KRTAP5-5: variants seen among roughly 807,000 people sequenced by gnomAD.
KRTAP5-5 encodes keratin associated protein 5-5.
KRTAP5-5 carries 1 observed loss-of-function variant against 2.8 expected under a neutral mutation model. The ratio of observed to expected loss-of-function variants is 0.35; its 90% CI spans 0.13 to 1.67. KRTAP5-5 has a LOEUF of 1.67. Among genes scored for constraint, KRTAP5-5 ranks in the 40% most tolerant of loss-of-function variants. The pLI, the probability that KRTAP5-5 is intolerant of heterozygous loss-of-function variation, is 0.35. For missense variants in KRTAP5-5, 134 were observed against 270.9 expected (o/e 0.49, Z 3.55); for synonymous variants, 83 against 110.6 (o/e 0.75, Z 1.57).
exon 1 of KRTAP5-5, chr11:1,630,111 T>C (rs1341030384): frequency 4.3e-6 from 7 of 1,610,194 alleles, no homozygotes; most frequent in South Asian, 2.2e-5. Flanking sequence ...GGGCTGTGGC[T>C]CTTGCGGGGG....
exon 1 of KRTAP5-5, chr11:1,630,654 C>A: frequency 1.3e-6 from 2 of 1,495,008 alleles, no homozygotes; most frequent in Admixed American, 3.4e-5. Flanking sequence ...TCCACTGTGT[C>A]CTCACTGGCT....
At chr11:1,630,869 G>A (rs1001872812), downstream of KRTAP5-5, among the ~76,000 whole-genome samples, 1 of 152,080 alleles carries the variant, frequency 6.6e-6, no homozygotes, top group Non-Finnish European at 1.5e-5. Flanking sequence ...CAATCTCTCT[G>A]GCTGTCTGTA....
exon 1 of KRTAP5-5, chr11:1,629,981 C>T: frequency 7.2e-6 from 4 of 557,962 alleles, no homozygotes; most frequent in Non-Finnish European, 1.0e-5. Context: ...GCTGTGGGGG[C>T]TGTGGCTCCG....
chr11:1,630,839 T>G (rs1849752257), downstream of KRTAP5-5: 7 of 579,776 alleles, frequency 1.2e-5, no homozygotes, highest in Admixed American at 1.5e-4. Flanking sequence ...GCTCCTTCTT[T>G]CAGGAGTGTG....
chr11:1,630,548 G>A (rs1324154916), exon 1 of KRTAP5-5: 1 of 1,611,656 alleles, frequency 6.2e-7, no homozygotes, highest in Non-Finnish European at 8.5e-7. Flanking sequence ...GCCAGTGTAA[G>A]ATCTGAGGCT....
At position 1,629,933 on chromosome 11, in the gene KRTAP5-5, T is replaced by A. The variant is rs1849722191; in HGVS notation, c.93T>A (p.Cys31Ter). 6.7e-7 allele frequency: 1 copy of A among 1,495,866 alleles called. No homozygotes were observed. The highest frequency in any genetic ancestry group is 1.9e-5 in the Admixed American group (1 of 53,934). The allele number at this position is 1,495,866 out of a possible 1,614,324, so 92.7% of individuals were successfully genotyped here. ...GCTGTGGCTCCGGCTGTGGAGGCTG[T>A]GGCTCTGGCTGTGGGGGCTGTGGCT... The change falls in exon 1 of 1, where the codon TGT becomes TGA. Residue 31 changes from cysteine (C) to a stop codon, truncating the protein, a stop_gained. Coordinates refer to ENST00000399676, the Ensembl canonical transcript of KRTAP5-5. LOFTEE classifies it low-confidence loss of function (END_TRUNC).
At chr11:1,630,528 C>T (rs1453631089) in exon 1 of KRTAP5-5, 1 of 1,614,066 alleles carries the variant, frequency 6.2e-7, no homozygotes, top group South Asian at 1.1e-5. Context: ...CTGCTGTGTC[C>T]CCGTGTGCTG....
chr11:1,630,673 T>A, exon 1 of KRTAP5-5: 1 of 1,356,144 alleles, frequency 7.4e-7, no homozygotes, highest in Non-Finnish European at 1.0e-6. Context: ...CTTCATCCAC[T>A]CCACACCAGT....
At chr11:1,630,849 G>A, downstream of KRTAP5-5, 1 of 573,946 alleles carries the variant, frequency 1.7e-6, no homozygotes, top group Non-Finnish European at 3.2e-6. Flanking sequence ...TCAGGAGTGT[G>A]ATCGACCCTC....
Position 1,630,497 on chromosome 11 carries a change from G to GC in KRTAP5-5, c.660dup (p.Cys221LeufsTer16). On this transcript the variant is annotated frameshift_variant, in exon 1 of 1. Coordinates refer to ENST00000399676, the Ensembl canonical transcript of KRTAP5-5. LOFTEE classifies it high-confidence loss of function. ...CCTGCTGCCAATCCAGCTGCTACAA[G>GC]CCCTGCTGCTGCCAGTCCAGCTGCT... 6.2e-7 allele frequency: 1 copy of GC among 1,611,726 alleles called. No individual in the cohort carries two copies. Among genetic ancestry groups the GC allele is most frequent in the East Asian group, 2.2e-5 (1 of 44,774 alleles).
exon 1 of KRTAP5-5, chr11:1,630,598 C>T (rs758947521): frequency 2.1e-5 from 34 of 1,608,464 alleles, no homozygotes; most frequent in Middle Eastern, 1.6e-4. Flanking sequence ...GTGAAGGGCC[C>T]GGCTGCCCAG....
rs1449825107 is a variant in KRTAP5-5, at chr11:1,630,526, TC to T, written c.690del (p.Val231CysfsTer20). The T allele has an allele frequency of 1.9e-6, 3 of 1,611,612 alleles. No homozygotes were observed. Among genetic ancestry groups the T allele is most frequent in the Non-Finnish European group, 2.5e-6 (3 of 1,179,034 alleles). ...TGCTGCTGCCAGTCCAGCTGCTGTG[TC>T]CCCGTGTGCTGCCAGTGTAAGATCT... On this transcript the variant is annotated frameshift_variant, in exon 1 of 1. Coordinates refer to ENST00000399676, the Ensembl canonical transcript of KRTAP5-5. LOFTEE classifies it high-confidence loss of function.
exon 1 of KRTAP5-5, chr11:1,630,638 A>G: frequency 1.3e-6 from 2 of 1,540,496 alleles, no homozygotes; most frequent in Admixed American, 1.7e-5. Context: ...CTGGTGCTCC[A>G]CTGTCTCCAC....
chr11:1,629,981 C>CTGTGGGGGA, exon 1 of KRTAP5-5: 1 of 557,960 alleles, frequency 1.8e-6, no homozygotes, highest in Non-Finnish European at 2.5e-6. Flanking sequence ...GCTGTGGGGG[C>CTGTGGGGGA]TGTGGCTCCG....
chr11:1,630,700 G>T (rs1849750644), exon 1 of KRTAP5-5: 3 of 1,070,342 alleles, frequency 2.8e-6, no homozygotes, highest in South Asian at 1.4e-5. Context: ...GAAACTGACT[G>T]AGGACCCCTT....
downstream of KRTAP5-5, chr11:1,630,799 G>A: frequency 1.6e-6 from 1 of 628,276 alleles, no homozygotes; most frequent in Non-Finnish European, 2.9e-6. Context: ...GGCCCCAGAG[G>A]CAGATCAGAC....
chr11:1,630,433 G>T (rs1473501605), exon 1 of KRTAP5-5: 15 of 1,595,188 alleles, frequency 9.4e-6, no homozygotes, highest in African/African-American at 1.3e-5. Context: ...CAGTCCAGCT[G>T]CTGTAAGCCC....
exon 1 of KRTAP5-5, chr11:1,630,136 G>C (rs1452778533): frequency 9.9e-6 from 16 of 1,609,256 alleles, no homozygotes; most frequent in Non-Finnish European, 1.2e-5. Context: ...AAGAGAGGCT[G>C]TGTCTCCTGT....
chr11:1,630,605 C>G, exon 1 of KRTAP5-5: 1 of 1,607,356 alleles, frequency 6.2e-7, no homozygotes, highest in Non-Finnish European at 8.5e-7. Flanking sequence ...GCCCGGCTGC[C>G]CAGCTTCCTT....
Sources: allele counts gnomAD v4.1 joint callset (sites outside exome capture counted in the v4.1 genomes callset), GRCh38; gene constraint gnomAD v4.1.1; transcripts MANE v1.5; gene names NCBI Gene and HGNC (gene_info 2026-07-23, HGNC 2026-07-21).